Variants in RNPEP observed in about 807,000 individuals in gnomAD.
RNPEP encodes aminopeptidase B.
A neutral mutation model predicts 70.1 loss-of-function variants in RNPEP; 57 were observed. That is an observed-to-expected ratio of 0.81 (90% CI 0.66 to 1.01). The LOEUF (loss-of-function observed/expected upper bound fraction) is 1.01. RNPEP is among the 50% of genes least tolerant of loss of function. The probability of loss-of-function intolerance (pLI) is 0.00; values close to 1 mark genes in which losing one functional copy is unlikely to be tolerated. For synonymous variants in RNPEP, 335 were observed against 357.4 expected, an observed-to-expected ratio of 0.94 and a Z score of 0.71; for missense variants, 787 against 852.4, an observed-to-expected ratio of 0.92 and a Z score of 0.96.
At position 201,997,555 on chromosome 1, in the gene RNPEP, G is replaced by T. The variant is rs573404686; in HGVS notation, c.1090+1G>T. ...AGGAGGATCTCCACCATCCTCTTTG[G>T]TAAAGTGCCCACCCCTCTCCTAAGG... is the stretch of plus-strand genomic sequence containing the variant. On this transcript the variant is annotated splice_donor_variant, in intron 5 of 10. Transcript: ENST00000295640. LOFTEE classifies it high-confidence loss of function. 1 of 1,610,102 alleles carries T rather than the reference G, an allele frequency of 6.2e-7. No homozygotes were observed. Among genetic ancestry groups the T allele is most frequent in the East Asian group, 2.2e-5 (1 of 44,806 alleles).
Position 202,004,209 on chromosome 1 carries a change from G to A in RNPEP, c.1652-145G>A, listed in dbSNP as rs552714090. 6.3e-5 allele frequency: 52 copies of A among 827,624 alleles called. No homozygotes were observed. In the African/African-American group the frequency reaches 7.4e-4, roughly 12 times the overall value. The allele number at this position is 827,624 out of a possible 1,614,324, so 51.3% of individuals were successfully genotyped here. ...CGGCCAGTTTTGTTTGGTATTTTTA[G>A]TAGAGATGGGGTTTCGCCATATTGG... On this transcript the variant is annotated intron_variant, in intron 9 of 10. Coordinates refer to ENST00000295640, the MANE Select transcript of RNPEP (RefSeq NM_020216.4).
chr1:201,986,644 G>A (rs539139588), intron 1 of RNPEP, among the ~76,000 whole-genome samples: 4 of 150,544 alleles, frequency 2.7e-5, no homozygotes, highest in South Asian at 4.2e-4. Flanking sequence ...TGGTTCAAGC[G>A]ATTCTCCTCC....
rs1266157135 is a variant in RNPEP, at chr1:201,999,895, G to C, written c.1091-7G>C. The stretch of plus-strand genomic sequence containing the variant: ...TTTCCCGAGGCTTACGTTTGATTCT[G>C]CACCAGGCGCTGCGTACACCTGCTT... On this transcript the variant is annotated splice_region_variant and splice_polypyrimidine_tract_variant and intron_variant, in intron 5 of 10. Coordinates refer to ENST00000295640, the MANE Select transcript of RNPEP (RefSeq NM_020216.4). The C allele has an allele frequency of 6.2e-7, 1 of 1,610,684 alleles. No individual in the cohort carries two copies. The highest frequency in any genetic ancestry group is 8.5e-7 in the Non-Finnish European group (1 of 1,177,918).
intron 3 of RNPEP, among the ~76,000 whole-genome samples, chr1:201,990,431 C>T (rs951650766): frequency 6.6e-6 from 1 of 152,176 alleles, no homozygotes; most frequent in Non-Finnish European, 1.5e-5. Flanking sequence ...AGAGGTTTGA[C>T]CAGGAGTATA....
intron 1 of RNPEP, among the ~76,000 whole-genome samples, chr1:201,985,011 G>T (rs938073417): frequency 1.3e-5 from 2 of 151,072 alleles, no homozygotes; most frequent in Admixed American, 6.6e-5. Flanking sequence ...TGGCCAACAT[G>T]GTGAAACCCT....
intron 1 of RNPEP, among the ~76,000 whole-genome samples, chr1:201,984,823 T>TTTTTCGTTTTC (rs1388739194): frequency 1.4e-4 from 1 of 7,198 alleles, no homozygotes; most frequent in Non-Finnish European, 4.0e-4. Context: ...ATTTCTTTCT[T>TTTTTCGTTTTC]TTTTTTTTTT....
rs1484638700 is a variant in RNPEP at position 201,987,363 on chromosome 1, A to G, written c.448-1541A>G. 2.6e-5 allele frequency among the ~76,000 whole-genome samples: 4 copies of G among 151,898 alleles called. No individual in the cohort carries two copies. In the East Asian group the frequency reaches 7.7e-4, roughly 29 times the overall value. On this transcript the variant is annotated intron_variant, in intron 1 of 10. Transcript: ENST00000295640. ...CTATGCTCCATCCTGCCCCTCTTCCAGGTAAATGAATGGCTGTTTGCTATA... is the reference window on the plus strand; with the variant it reads ...CTATGCTCCATCCTGCCCCTCTTCCGGGTAAATGAATGGCTGTTTGCTATA...
intron 9 of RNPEP, among the ~76,000 whole-genome samples, chr1:202,003,841 A>G (rs1683938588): frequency 6.6e-6 from 1 of 152,172 alleles, no homozygotes; most frequent in African/African-American, 2.4e-5. Flanking sequence ...TGATGTTAAT[A>G]CCCAGGTGAC....
At chr1:201,988,548 G>A (rs1683215713) in intron 1 of RNPEP, among the ~76,000 whole-genome samples, 1 of 151,650 alleles carries the variant, frequency 6.6e-6, no homozygotes, top group Admixed American at 6.6e-5. Flanking sequence ...TCCAAATGCA[G>A]TTGCTTCAGT....
chr1:201,994,820 C>T (rs1317568024), intron 3 of RNPEP, among the ~76,000 whole-genome samples: 1 of 148,586 alleles, frequency 6.7e-6, no homozygotes, highest in African/African-American at 2.5e-5. Flanking sequence ...GCATACACTA[C>T]CATGTCCTGC....
chr1:201,998,030 CAGGATT>C (rs1223693394), intron 5 of RNPEP, among the ~76,000 whole-genome samples: 1 of 152,062 alleles, frequency 6.6e-6, no homozygotes, highest in Non-Finnish European at 1.5e-5. Flanking sequence ...CTCAAAGTGC[CAGGATT>C]ACAGGCGTGA....
chr1:201,995,940 A>T (rs1009416964), intron 3 of RNPEP: 1 of 564,038 alleles, frequency 1.8e-6, no homozygotes, highest in East Asian at 2.9e-5. Context: ...TTCCACCTCC[A>T]TGAGGCTGTC....
chr1:201,995,921 G>A (rs189107022), intron 3 of RNPEP: 16 of 535,518 alleles, frequency 3.0e-5, no homozygotes, highest in East Asian at 2.7e-4. Flanking sequence ...CCATAACTGC[G>A]TAGCACGGTT....
intron 5 of RNPEP, 31 bp from the exon 6 acceptor site, chr1:201,999,871 T>C (rs1683718955): frequency 2.5e-6 from 4 of 1,572,952 alleles, no homozygotes; most frequent in Non-Finnish European, 3.5e-6. Context: ...GACAGACGTT[T>C]TCCCGAGGCT....
chr1:202,001,581 G>T, intron 7 of RNPEP, 78 bp from the exon 8 acceptor site: 1 of 1,432,622 alleles, frequency 7.0e-7, no homozygotes, highest in Non-Finnish European at 9.9e-7. Flanking sequence ...GTAAGGGGTT[G>T]GAGGAGGACC....
At chr1:202,000,538 T>C (rs985086530) in intron 6 of RNPEP, among the ~76,000 whole-genome samples, 1 of 152,216 alleles carries the variant, frequency 6.6e-6, no homozygotes, top group Admixed American at 6.5e-5. Flanking sequence ...TTGAAGCTCA[T>C]GTTCCTTGAT....
rs748755065 is a variant in RNPEP at position 202,005,581 on chromosome 1, G to A, written c.1818G>A (p.Pro606=). The change falls in exon 11 of 11, where the codon CCG becomes CCA. Residue 606 remains proline, a synonymous_variant. Coordinates refer to ENST00000295640, the MANE Select transcript of RNPEP (RefSeq NM_020216.4). ...HNQGKQKYTL[P]LYHAMMGGSE... Reference sequence around the variant, plus strand: ...AGGGGAAGCAGAAGTATACACTTCCGCTGTACCACGCAATGATGGGTGGCA... The same window carrying A: ...AGGGGAAGCAGAAGTATACACTTCCACTGTACCACGCAATGATGGGTGGCA... 28 of 1,614,048 alleles carry A rather than the reference G, an allele frequency of 1.7e-5. No individual in the cohort carries two copies. The African/African-American group carries it at 2.5e-4, about 15-fold the overall frequency.
In RNPEP at chr1:201,984,835, T is replaced by C. The variant is rs1159306944; in HGVS notation, c.447+1722T>C. On this transcript the variant is annotated intron_variant, in intron 1 of 10. Transcript: ENST00000295640. ...TGTATTTCTTTCTTTTTTTTTTTTTTTTTTTTTTTTTTTTTTTTTTTTGAG... is the reference window on the plus strand; with the variant it reads ...TGTATTTCTTTCTTTTTTTTTTTTTCTTTTTTTTTTTTTTTTTTTTTTGAG... Among the ~76,000 whole-genome samples the C allele has an allele frequency of 3.9e-4, 43 of 109,540 alleles. 1 individual carries two copies. The highest frequency in any genetic ancestry group is 5.6e-4 in the East Asian group (2 of 3,578). 71.9% of individuals were successfully genotyped at this position (109,540 alleles called of 152,430 possible).
At chr1:201,988,167 A>G (rs1189993978) in intron 1 of RNPEP, among the ~76,000 whole-genome samples, 1 of 149,798 alleles carries the variant, frequency 6.7e-6, no homozygotes, top group Non-Finnish European at 1.5e-5. Flanking sequence ...AAGAAAAGAG[A>G]ATGTATATTA....
Sources: allele counts gnomAD v4.1 joint callset (sites outside exome capture counted in the v4.1 genomes callset), GRCh38; gene constraint gnomAD v4.1.1; transcripts MANE v1.5; gene names NCBI Gene and HGNC (gene_info 2026-07-23, HGNC 2026-07-21).